The following PCDHA2 variants were observed in gnomAD, a reference collection of about 807,000 sequenced individuals.
The protein encoded by PCDHA2 is protocadherin alpha 2.
Under a neutral mutation model 66.0 loss-of-function variants are expected in PCDHA2, and 58 were observed. That is an observed-to-expected ratio of 0.88 (90% CI 0.71 to 1.09). The LOEUF (loss-of-function observed/expected upper bound fraction) is 1.09, where lower values mean the gene tolerates loss of function less well. PCDHA2 is among the 50% of genes least tolerant of loss of function. PCDHA2 has a pLI of 0.00. For synonymous variants in PCDHA2, 634 were observed against 554.0 expected, an observed-to-expected ratio of 1.14 and a Z score of -2.03; for missense variants, 1,267 against 1,242.3, an observed-to-expected ratio of 1.02 and a Z score of -0.30.
In PCDHA2 at chr5:141,009,694, A is replaced by G. The variant is rs782798367; in HGVS notation, c.2604A>G (p.Lys868=). The part of the protein sequence containing the change: ...AGVNSNSWTF[K]YGPGNPKQSG... ...TCAACAGCAACAGCTGGACCTTTAA[A>G]TACGGACCAGGCAACCCCAAACAAT... is the stretch of plus-strand genomic sequence containing the variant. The change falls in exon 4 of 4, where the codon AAA becomes AAG. Residue 868 remains lysine (K), a synonymous_variant. Transcript: ENST00000526136. 5 of 1,613,890 alleles carry G rather than the reference A, an allele frequency of 3.1e-6. No homozygotes were observed. In the Admixed American group the frequency reaches 6.7e-5, roughly 22 times the overall value.
chr5:140,948,525 A>G (rs187765359), intron 1 of PCDHA2, among the ~76,000 whole-genome samples: 2 of 151,708 alleles, frequency 1.3e-5, no homozygotes, highest in Admixed American at 1.3e-4. Flanking sequence ...AACACTATTT[A>G]TATTTTATTT....
At chr5:140,917,318 A>G (rs961734758) in intron 1 of PCDHA2, among the ~76,000 whole-genome samples, 1 of 99,850 alleles carries the variant, frequency 1.0e-5, no homozygotes, top group South Asian at 3.3e-4. Context: ...TTTGGTGTTC[A>G]TGTGGCGGGG....
intron 1 of PCDHA2, among the ~76,000 whole-genome samples, chr5:140,892,007 T>C (rs1285446962): frequency 1.3e-5 from 2 of 152,244 alleles, no homozygotes; most frequent in South Asian, 2.1e-4. Context: ...CATTCTGTTA[T>C]AGCAGCACAA....
At chr5:140,876,916 G>A (rs2056692894) in intron 1 of PCDHA2, 3 of 1,613,960 alleles carry the variant, frequency 1.9e-6, no homozygotes, top group Non-Finnish European at 2.5e-6. Flanking sequence ...GGCATGGGAC[G>A]CGGACGCGCA....
chr5:140,939,673 T>C (rs1235567287), intron 1 of PCDHA2, among the ~76,000 whole-genome samples: 1 of 152,196 alleles, frequency 6.6e-6, no homozygotes, highest in African/African-American at 2.4e-5. Context: ...CCAACTTGTA[T>C]GTATGTGTGT....
chr5:140,891,977 A>G (rs2063334150), intron 1 of PCDHA2, among the ~76,000 whole-genome samples: 1 of 152,206 alleles, frequency 6.6e-6, no homozygotes, highest in Non-Finnish European at 1.5e-5. Flanking sequence ...TTCCGTTCTC[A>G]TAAATTACTC....
At chr5:140,835,757 C>G (rs1467581889) in intron 1 of PCDHA2, 5 of 1,613,396 alleles carry the variant, frequency 3.1e-6, no homozygotes, top group African/African-American at 1.3e-5. Context: ...TCGCGCAGCC[C>G]GAGTATACGG....
intron 1 of PCDHA2, chr5:140,841,259 G>GA: frequency 6.6e-7 from 1 of 1,517,710 alleles, no homozygotes; most frequent in East Asian, 2.3e-5. Flanking sequence ...AAAAGACTCT[G>GA]AAAGTACAGT....
intron 1 of PCDHA2, among the ~76,000 whole-genome samples, chr5:140,957,344 G>A (rs994510401): frequency 5.9e-5 from 9 of 152,114 alleles, no homozygotes; most frequent in Non-Finnish European, 1.2e-4. Context: ...TATTTTGAGA[G>A]AGAGACCACA....
At chr5:140,968,904 G>A (rs1554231223) in intron 1 of PCDHA2, 1 of 1,614,058 alleles carries the variant, frequency 6.2e-7, no homozygotes, top group Non-Finnish European at 8.5e-7. Flanking sequence ...ATAGCATTAA[G>A]CACAGTGTCT....
In PCDHA2 at chr5:140,982,522, G is replaced by A; in HGVS notation, c.2495G>A (p.Gly832Glu). Residue 832 changes from glycine to glutamate, a missense_variant, in exon 3 of 4, where the codon GGG (glycine) becomes GAG (glutamate). Coordinates refer to ENST00000526136, the MANE Select transcript of PCDHA2 (RefSeq NM_018905.3). ...GGCATTCTACGGGCTGGTCCAGGAG[G>A]GCCTGATCAGCAGTGGCCAACAGTA... ...EAGILRAGPG[G>E]PDQQWPTVSS... 2.5e-6 allele frequency: 4 copies of A among 1,614,182 alleles called. No homozygotes were observed. Among genetic ancestry groups the A allele is most frequent in the Non-Finnish European group, 3.4e-6 (4 of 1,180,032 alleles).
In PCDHA2 at chr5:140,875,510, G is replaced by T. The variant is rs186070067; in HGVS notation, c.2388+78158G>T. The stretch of plus-strand genomic sequence containing the variant: ...GGACCAAGAGGCCCGGGATCCCAGC[G>T]TCTGCTGCTCTCGCTTCTGCTCCTT... On this transcript the variant is annotated intron_variant, in intron 1 of 3. Transcript: ENST00000526136. 1.2e-5 allele frequency: 19 copies of T among 1,613,812 alleles called. No homozygotes were observed. Among genetic ancestry groups the T allele is most frequent in the Non-Finnish European group, 1.6e-5 (19 of 1,179,784 alleles).
Position 140,796,747 on chromosome 5 carries a change from C to A in PCDHA2, c.1783C>A (p.Arg595Ser). ...VGAGHVVAKVRAVDADSGYNA... is the reference protein window; with the variant it reads ...VGAGHVVAKVSAVDADSGYNA... ...TGCAGGGCACGTGGTGGCGAAGGTG[C>A]GCGCAGTGGACGCTGACTCAGGCTA... The change falls in exon 1 of 4, where the codon CGC becomes AGC. Residue 595 changes from arginine (R) to serine (S), a missense_variant. Physicochemically the swap from Arg to Ser is moderately radical, Grantham distance 110. Coordinates refer to ENST00000526136, the MANE Select transcript of PCDHA2 (RefSeq NM_018905.3). The A allele has an allele frequency of 2.5e-6, 4 of 1,614,134 alleles. No homozygotes were observed. The highest frequency in any genetic ancestry group is 3.4e-6 in the Non-Finnish European group (4 of 1,179,968).
In PCDHA2 at chr5:140,969,495, C is replaced by T. The variant is rs1205771172; in HGVS notation, c.2389-9454C>T. On this transcript the variant is annotated intron_variant, in intron 1 of 3. Transcript: ENST00000526136. The stretch of plus-strand genomic sequence containing the variant: ...TTGATCATAATCTGCTATTTCCTCT[C>T]TAGAAAAATAGCACTAAAGAATTGT... 10 of 1,437,770 alleles carry T rather than the reference C, an allele frequency of 7.0e-6. No homozygotes were observed. The African/African-American group carries it at 7.2e-5, about 10-fold the overall frequency. The allele number at this position is 1,437,770 out of a possible 1,614,324, so 89.1% of individuals were successfully genotyped here. A position where few individuals can be genotyped will look rare whatever the true frequency, so the allele number is the denominator to read the frequency against.
In PCDHA2 at chr5:140,795,479, T is replaced by A. The variant is rs1761962011; in HGVS notation, c.515T>A (p.Leu172His). 6.2e-7 allele frequency: 1 copy of A among 1,614,044 alleles called. No individual in the cohort carries two copies. Among genetic ancestry groups the A allele is most frequent in the Admixed American group, 1.7e-5 (1 of 60,002 alleles). Residue 172 changes from leucine to histidine, a missense_variant, in exon 1 of 4, where the codon CTC becomes CAC. Transcript: ENST00000526136. Reference sequence around the variant, plus strand: ...GTAAATGCTCTTCTCTCCTACAAGCTCAGCTCCAGTGAGTTTTTCTTCCTA... The same window carrying A: ...GTAAATGCTCTTCTCTCCTACAAGCACAGCTCCAGTGAGTTTTTCTTCCTA... Reference protein sequence around the residue: ...IGVNALLSYKLSSSEFFFLDI... With the variant: ...IGVNALLSYKHSSSEFFFLDI...
chr5:140,905,162 G>A (rs2071641359), intron 1 of PCDHA2, among the ~76,000 whole-genome samples: 1 of 152,118 alleles, frequency 6.6e-6, no homozygotes, highest in African/African-American at 2.4e-5. Flanking sequence ...GAATTTTCAT[G>A]GTTTCAGGTT....
At chr5:140,857,283 T>C in intron 1 of PCDHA2, 1 of 1,598,740 alleles carries the variant, frequency 6.3e-7, no homozygotes, top group Non-Finnish European at 8.6e-7. Context: ...GACAGCGCTC[T>C]GGACCGCGAG....
intron 1 of PCDHA2, chr5:140,813,712 C>T (rs1224457042): frequency 2.0e-5 from 3 of 152,218 alleles, no homozygotes; most frequent in Non-Finnish European, 4.4e-5. Context: ...TTTCTTTTTA[C>T]AGGCTGGTCA....
chr5:140,839,744 G>A (rs935121043), intron 1 of PCDHA2, among the ~76,000 whole-genome samples: 1 of 151,944 alleles, frequency 6.6e-6, no homozygotes, highest in African/African-American at 2.4e-5. Flanking sequence ...ACCCTTATTT[G>A]CCTTTCCTAT....
Sources: gnomAD v4.1 joint callset for allele counts (sites outside exome capture counted in the v4.1 genomes callset) on GRCh38, gnomAD v4.1.1 for gene constraint, MANE v1.5 for transcripts, NCBI Gene and HGNC (gene_info 2026-07-23, HGNC 2026-07-21) for gene names.